The following PCLO variants were observed in gnomAD, a reference collection of about 807,000 sequenced individuals.
PCLO encodes piccolo presynaptic cytomatrix protein.
Under a neutral mutation model 427.5 loss-of-function variants are expected in PCLO, and 82 were observed. That is an observed-to-expected ratio of 0.19 (90% CI 0.16 to 0.23). The LOEUF is 0.23. Among genes scored for constraint, PCLO ranks in the 10% least tolerant of loss-of-function variants. The pLI, the probability that PCLO is intolerant of heterozygous loss-of-function variation, is 1.00. For missense variants in PCLO, 6,239 were observed against 6,115.9 expected, an observed-to-expected ratio of 1.02 and a Z score of -0.67; for synonymous variants, 2,357 against 2,155.4, an observed-to-expected ratio of 1.09 and a Z score of -2.59.
intron 6 of PCLO, among the ~76,000 whole-genome samples, chr7:82,920,159 C>G (rs1794563089): frequency 6.6e-6 from 1 of 151,626 alleles, no homozygotes; most frequent in Non-Finnish European, 1.5e-5. Context: ...TTATTTAATT[C>G]TAATTAAATC....
chr7:83,007,995 T>C (rs1437608117), intron 3 of PCLO, among the ~76,000 whole-genome samples: 2 of 151,666 alleles, frequency 1.3e-5, no homozygotes, highest in Admixed American at 6.6e-5. Context: ...AAACTGTAAT[T>C]ATTACTTAAA....
chr7:83,104,498 G>A (rs1156305347), intron 3 of PCLO, among the ~76,000 whole-genome samples: 1 of 151,858 alleles, frequency 6.6e-6, no homozygotes, highest in East Asian at 1.9e-4. Context: ...TTCATTTTCA[G>A]TCATAACAAT....
chr7:82,929,671 CAT>C (rs1794795387), intron 6 of PCLO, among the ~76,000 whole-genome samples: 1 of 152,072 alleles, frequency 6.6e-6, no homozygotes, highest in African/African-American at 2.4e-5. Context: ...TTGATACACT[CAT>C]ATATTTCTCA....
chr7:82,959,343 C>T lies in PCLO; in HGVS notation c.4018-2408G>A, dbSNP rs144098848. ...CCTCCCAAAATCCTGGGATTACAGG[C>T]GTGAGCCACCGTGCCTGGCCATGTG... On this transcript the variant is annotated intron_variant, in intron 4 of 24. Transcript: ENST00000333891. 2.6e-3 allele frequency among the ~76,000 whole-genome samples: 396 copies of T among 152,278 alleles called. 1 individual carries two copies. The highest frequency in any genetic ancestry group is 8.9e-3 in the African/African-American group (370 of 41,568).
rs763494329 is a variant in PCLO, at chr7:82,760,771, T to C, written c.15156A>G (p.Lys5052=). 3 of 1,460,032 alleles carry C rather than the reference T, an allele frequency of 2.1e-6. No individual in the cohort carries two copies. Among genetic ancestry groups the C allele is most frequent in the East Asian group, 4.6e-5 (2 of 43,552 alleles). 90.4% of individuals were successfully genotyped at this position (1,460,032 alleles called of 1,614,324 possible). Residue 5052 remains lysine, a synonymous_variant, in exon 24 of 25, where the codon AAA becomes AAG. Coordinates refer to ENST00000333891, the MANE Select transcript of PCLO (RefSeq NM_033026.6). ...GGGTAGAAATATTCATCACATATATTTTCACATATAAATCTGAAAATAAGA... is the reference window on the plus strand; with the variant it reads ...GGGTAGAAATATTCATCACATATATCTTCACATATAAATCTGAAAATAAGA... ...SPDHLPDLYV[K]IYVMNISTQK...
intron 22 of PCLO, among the ~76,000 whole-genome samples, chr7:82,772,868 C>T (rs985075251): frequency 5.9e-5 from 9 of 151,980 alleles, no homozygotes; most frequent in African/African-American, 2.2e-4. Context: ...GAGACAACAA[C>T]AACAAAAATG....
intron 22 of PCLO, among the ~76,000 whole-genome samples, chr7:82,771,865 G>A (rs1233384891): frequency 6.6e-6 from 1 of 152,070 alleles, no homozygotes; most frequent in Non-Finnish European, 1.5e-5. Context: ...GTATATTCTG[G>A]AAAGATGAGT....
At chr7:82,896,018 TC>T (rs1280241516) in intron 9 of PCLO, among the ~76,000 whole-genome samples, 1 of 151,816 alleles carries the variant, frequency 6.6e-6, no homozygotes, top group African/African-American at 2.4e-5. Context: ...CAGAATAATA[TC>T]CCTCATGAAT....
intron 22 of PCLO, among the ~76,000 whole-genome samples, chr7:82,769,757 G>A (rs1790609509): frequency 6.6e-6 from 1 of 152,162 alleles, no homozygotes; most frequent in South Asian, 2.1e-4. Flanking sequence ...TAGCAATGAT[G>A]TAGGTCACTG....
chr7:83,087,564 T>C (rs1790270192), intron 3 of PCLO, among the ~76,000 whole-genome samples: 2 of 152,134 alleles, frequency 1.3e-5, no homozygotes, highest in Admixed American at 6.5e-5. Context: ...AAATTAGATA[T>C]ATGAAACATA....
intron 24 of PCLO, 53 bp from the exon 25 acceptor site, chr7:82,758,768 GTA>G (rs1790370717): frequency 8.9e-7 from 1 of 1,125,536 alleles, no homozygotes; most frequent in Non-Finnish European, 1.3e-6. Flanking sequence ...ATATACATGT[GTA>G]TAGTTTTCAA....
At chr7:83,107,305 G>A (rs1055258184) in intron 3 of PCLO, among the ~76,000 whole-genome samples, 8 of 152,080 alleles carry the variant, frequency 5.3e-5, no homozygotes, top group Non-Finnish European at 1.0e-4. Context: ...CCATCCCATT[G>A]GAGTTAAGTG....
intron 3 of PCLO, among the ~76,000 whole-genome samples, chr7:82,993,114 T>C (rs1357482763): frequency 6.6e-6 from 1 of 152,026 alleles, no homozygotes; most frequent in Non-Finnish European, 1.5e-5. Flanking sequence ...TGAAAATATG[T>C]AGTTTTTCCC....
At chr7:82,825,226 A>G (rs1361432043) in intron 18 of PCLO, among the ~76,000 whole-genome samples, 3 of 152,154 alleles carry the variant, frequency 2.0e-5, no homozygotes, top group African/African-American at 7.2e-5. Context: ...CATCTTAGAT[A>G]TGATGAGCTA....
chr7:82,949,811 G>C lies in PCLO; in HGVS notation c.10777C>G (p.Pro3593Ala), dbSNP rs936239821. 3 of 1,613,596 alleles carry C rather than the reference G, an allele frequency of 1.9e-6. No individual in the cohort carries two copies. Among genetic ancestry groups the C allele is most frequent in the Non-Finnish European group, 2.5e-6 (3 of 1,179,846 alleles). Reference protein sequence around the residue: ...ATSPPKDKKRPTPLEIGYSSH... With the variant: ...ATSPPKDKKRATPLEIGYSSH... ...GAATAACCAATCTCTAAAGGTGTTG[G>C]GCGTTTCTTGTCTTTGGGTGGAGAT... The change falls in exon 6 of 25, where the codon CCA becomes GCA. Residue 3593 changes from proline (P) to alanine (A), a missense_variant. Physicochemically the swap from Pro to Ala is conservative, Grantham distance 27 (BLOSUM62 -1). Transcript: ENST00000333891.
intron 3 of PCLO, among the ~76,000 whole-genome samples, chr7:83,014,422 ATAAG>A (rs1788158321): frequency 6.6e-6 from 1 of 152,164 alleles, no homozygotes; most frequent in South Asian, 2.1e-4. Context: ...GAATGCTGAG[ATAAG>A]TAAGTCTGCC....
At chr7:82,943,306 G>A (rs1343697974) in intron 6 of PCLO, among the ~76,000 whole-genome samples, 2 of 152,138 alleles carry the variant, frequency 1.3e-5, no homozygotes, top group East Asian at 3.8e-4. Flanking sequence ...ACAAGTCTAA[G>A]GGGATGAAAT....
intron 8 of PCLO, among the ~76,000 whole-genome samples, chr7:82,906,110 C>G (rs952739598): frequency 2.0e-5 from 3 of 151,630 alleles, no homozygotes; most frequent in African/African-American, 7.3e-5. Flanking sequence ...TGAAATGAAA[C>G]AAATATGGAC....
intron 3 of PCLO, among the ~76,000 whole-genome samples, chr7:83,037,979 A>C (rs1788836786): frequency 1.1e-5 from 1 of 90,212 alleles, no homozygotes; most frequent in Non-Finnish European, 2.2e-5. Flanking sequence ...GTGGAGGTGT[A>C]AGGAGGAGCT....
Sources: gnomAD v4.1 joint callset for allele counts (sites outside exome capture counted in the v4.1 genomes callset) on GRCh38, gnomAD v4.1.1 for gene constraint, MANE v1.5 for transcripts, NCBI Gene and HGNC (gene_info 2026-07-23, HGNC 2026-07-21) for gene names.